The following PCDHGA1 variants were observed in gnomAD, a reference collection of about 807,000 sequenced individuals.
PCDHGA1 encodes protocadherin gamma-A1.
In PCDHGA1, 32 loss-of-function variants were observed where a neutral mutation model predicts 58.0. That is an observed-to-expected ratio of 0.55 (90% CI 0.42 to 0.74). The LOEUF (loss-of-function observed/expected upper bound fraction) is 0.74. Among genes scored for constraint, PCDHGA1 ranks in the 30% least tolerant of loss-of-function variants. The pLI, the probability that PCDHGA1 is intolerant of heterozygous loss-of-function variation, is 0.00. For synonymous variants in PCDHGA1, 498 were observed against 501.1 expected (o/e 0.99, Z 0.08); for missense variants, 1,205 against 1,182.3 (o/e 1.02, Z -0.28).
At chr5:141,443,874 A>G (rs2098409122) in intron 1 of PCDHGA1, among the ~76,000 whole-genome samples, 1 of 152,190 alleles carries the variant, frequency 6.6e-6, no homozygotes, top group Non-Finnish European at 1.5e-5. Flanking sequence ...AATTACTGAT[A>G]AGTCAAGAGA....
chr5:141,368,061 A>G (rs781457436), intron 1 of PCDHGA1, among the ~76,000 whole-genome samples: 21 of 152,326 alleles, frequency 1.4e-4, no homozygotes, highest in Admixed American at 3.3e-4. Flanking sequence ...AAGAACTACT[A>G]TATTTCCCTT....
chr5:141,439,556 C>A (rs543620281), intron 1 of PCDHGA1, among the ~76,000 whole-genome samples: 1 of 152,268 alleles, frequency 6.6e-6, no homozygotes, highest in East Asian at 1.9e-4. Context: ...CTTCAGGCTG[C>A]AGTTCTAGAG....
rs992096722 is a variant in PCDHGA1, at chr5:141,413,506, A to G, written c.2421+80401A>G. 3 of 1,613,910 alleles carry G rather than the reference A, an allele frequency of 1.9e-6. No individual in the cohort carries two copies. The highest frequency in any genetic ancestry group is 2.7e-5 in the African/African-American group (2 of 74,954). On this transcript the variant is annotated intron_variant, in intron 1 of 3. Coordinates refer to ENST00000517417, the MANE Select transcript of PCDHGA1 (RefSeq NM_018912.3). ...GAGCGCGCGGTGCGTGGTGAGTTTT[A>G]ATATCCTTGTGGAAGACAGGGTGAA... is the stretch of plus-strand genomic sequence containing the variant.
chr5:141,420,005 C>T, intron 1 of PCDHGA1: 2 of 1,614,056 alleles, frequency 1.2e-6, no homozygotes, highest in Non-Finnish European at 1.7e-6. Context: ...TCTACGCCTG[C>T]GACAGTCTTT....
chr5:141,389,464 A>G (rs1277929756), intron 1 of PCDHGA1: 1 of 1,613,306 alleles, frequency 6.2e-7, no homozygotes, highest in Admixed American at 1.7e-5. Flanking sequence ...CGCGCCTTCG[A>G]ACTCACACTG....
chr5:141,458,512 T>TG (rs2098947554), intron 1 of PCDHGA1, among the ~76,000 whole-genome samples: 2 of 150,084 alleles, frequency 1.3e-5, no homozygotes, highest in African/African-American at 5.0e-5. Context: ...TTTGACACTT[T>TG]GTTTTTTTTT....
Position 141,366,435 on chromosome 5 carries a change from G to A in PCDHGA1, c.2421+33330G>A, listed in dbSNP as rs1764554522. ...GTGGTGGCAGTGGCTGCAGTCTCCTGCGTCTTCCTGGCCTTCGTCATCGTG... is the reference window on the plus strand; with the variant it reads ...GTGGTGGCAGTGGCTGCAGTCTCCTACGTCTTCCTGGCCTTCGTCATCGTG... On this transcript the variant is annotated intron_variant, in intron 1 of 3. Transcript: ENST00000517417. 2 of 1,614,046 alleles carry A rather than the reference G, an allele frequency of 1.2e-6. No individual in the cohort carries two copies. The highest frequency in any genetic ancestry group is 1.3e-5 in the African/African-American group (1 of 74,958).
chr5:141,332,388 C>T lies in PCDHGA1; in HGVS notation c.1704C>T (p.Pro568=). The T allele has an allele frequency of 6.2e-7, 1 of 1,614,230 alleles. No individual in the cohort carries two copies. Among genetic ancestry groups the T allele is most frequent in the Non-Finnish European group, 8.5e-7 (1 of 1,180,050 alleles). The part of the protein sequence containing the change: ...NAPEILYPAL[P]TDGSTGVELA... ...CCGAGATCCTGTACCCCGCCCTCCCCACAGATGGTTCTACCGGCGTGGAGC... is the reference window on the plus strand; with the variant it reads ...CCGAGATCCTGTACCCCGCCCTCCCTACAGATGGTTCTACCGGCGTGGAGC... Residue 568 remains proline (P), a synonymous_variant, in exon 1 of 4, where the codon CCC becomes CCT. Transcript: ENST00000517417. This position sits in a 1 kb window ranked among gnomAD's most constrained non-coding sequence, Gnocchi z 4.6.
intron 1 of PCDHGA1, chr5:141,342,049 A>G (rs923380759): frequency 6.6e-6 from 1 of 152,668 alleles, no homozygotes; most frequent in African/African-American, 2.4e-5. Flanking sequence ...TTCTTGAAGA[A>G]GTGACTGACT....
chr5:141,453,676 C>T (rs1387074223), intron 1 of PCDHGA1, among the ~76,000 whole-genome samples: 1 of 152,174 alleles, frequency 6.6e-6, no homozygotes, highest in Admixed American at 6.6e-5. Flanking sequence ...AAAGGTAACA[C>T]ACTATGTAGG....
intron 1 of PCDHGA1, chr5:141,388,545 C>T (rs1293366202): frequency 6.2e-7 from 1 of 1,613,680 alleles, no homozygotes; most frequent in Non-Finnish European, 8.5e-7. Flanking sequence ...TGGAGCTCCA[C>T]CCCTAAGCAG....
At chr5:141,360,893 AG>A (rs753188026) in intron 1 of PCDHGA1, 17 of 1,614,046 alleles carry the variant, frequency 1.1e-5, no homozygotes, top group Non-Finnish European at 1.4e-5. Flanking sequence ...ACCCTGAGGG[AG>A]GACGTGCCGC....
rs1453835891 is a variant in PCDHGA1 at position 141,477,494 on chromosome 5, T to G, written c.2422-17313T>G. On this transcript the variant is annotated intron_variant, in intron 1 of 3. Coordinates refer to ENST00000517417, the MANE Select transcript of PCDHGA1 (RefSeq NM_018912.3). The surrounding 1 kb of genome is among the most constrained non-coding windows in gnomAD (Gnocchi z 4.9). ...TGACAACCCTCCACAATCTTCTCAA[T>G]CTTCCTACGACGTTTACATTGAAGA... 1 of 1,614,088 alleles carries G rather than the reference T, an allele frequency of 6.2e-7. No individual in the cohort carries two copies.
At chr5:141,418,743 A>G in intron 1 of PCDHGA1, 5 of 1,613,954 alleles carry the variant, frequency 3.1e-6, no homozygotes, top group African/African-American at 1.3e-5. Context: ...TTCTCTCTGG[A>G]TTACACTACA....
chr5:141,413,904 G>T (rs1230344912), intron 1 of PCDHGA1: 3 of 1,613,160 alleles, frequency 1.9e-6, no homozygotes, highest in East Asian at 2.2e-5. Context: ...ATGACAACGC[G>T]CCGGTCTTCA....
intron 1 of PCDHGA1, among the ~76,000 whole-genome samples, chr5:141,447,063 G>C (rs762309557): frequency 6.6e-6 from 1 of 152,028 alleles, no homozygotes; most frequent in South Asian, 2.1e-4. Context: ...AATGTGTCAG[G>C]CTGTTTTAAT....
chr5:141,488,158 G>A (rs534297140), intron 1 of PCDHGA1, among the ~76,000 whole-genome samples: 4 of 152,328 alleles, frequency 2.6e-5, no homozygotes, highest in South Asian at 2.1e-4. Context: ...AGAGAGGCAC[G>A]CATCAGAGTG....
At position 141,489,963 on chromosome 5, in the gene PCDHGA1, C is replaced by A. The variant is rs779260164; in HGVS notation, c.2422-4844C>A. On this transcript the variant is annotated intron_variant, in intron 1 of 3. Coordinates refer to ENST00000517417, the MANE Select transcript of PCDHGA1 (RefSeq NM_018912.3). This position sits in a 1 kb window ranked among gnomAD's most constrained non-coding sequence, Gnocchi z 4.5. Reference sequence around the variant, plus strand: ...TGGACATCAATGATAATGCTCCAACCTTCCAATCCTCAGTTCTACGTGTGG... The same window carrying A: ...TGGACATCAATGATAATGCTCCAACATTCCAATCCTCAGTTCTACGTGTGG... The A allele has an allele frequency of 8.1e-6, 13 of 1,614,184 alleles. No homozygotes were observed. In the East Asian group the frequency reaches 2.2e-4, roughly 28 times the overall value.
intron 2 of PCDHGA1, among the ~76,000 whole-genome samples, chr5:141,496,557 C>T (rs190275684): frequency 2.0e-5 from 3 of 152,258 alleles, no homozygotes; most frequent in Admixed American, 1.3e-4. Flanking sequence ...TGGGCATGCA[C>T]AGTCCTGTCA....
Sources: allele counts gnomAD v4.1 joint callset (sites outside exome capture counted in the v4.1 genomes callset), GRCh38; gene constraint gnomAD v4.1.1; non-coding constraint Gnocchi (gnomAD v3.1); transcripts MANE v1.5; gene names NCBI Gene and HGNC (gene_info 2026-07-23, HGNC 2026-07-21).